Variants in OVCH2 observed in about 807,000 individuals in gnomAD.
OVCH2 encodes ovochymase 2.
Under a neutral mutation model 73.7 loss-of-function variants are expected in OVCH2, and 88 were observed. The observed-to-expected ratio is 1.19, with a 90% CI of 1.01 to 1.43. The LOEUF (loss-of-function observed/expected upper bound fraction) is 1.43, where lower values mean the gene tolerates loss of function less well. Ranked by LOEUF, OVCH2 falls within the 40% of genes most tolerant of loss-of-function variation. OVCH2 has a pLI of 0.00. For synonymous variants in OVCH2, 265 were observed against 234.5 expected (o/e 1.13, Z -1.19); for missense variants, 706 against 674.5 (o/e 1.05, Z -0.52).
chr11:7,695,535 G>A (rs1264002159), intron 11 of OVCH2, 35 bp downstream of exon 11: 2 of 1,575,616 alleles, frequency 1.3e-6, no homozygotes, highest in African/African-American at 1.4e-5. Flanking sequence ...TACAGAAGGT[G>A]GAGATAGTAT....
In OVCH2 at chr11:7,700,354, A is replaced by C. The variant is rs1428742504; in HGVS notation, c.843T>G (p.Pro281=). The part of the protein sequence containing the change: ...NNVRKSDQGS[P]GIFTDISKVL... ...CTTTACTAATGTCTGTGAAGATCCC[A>C]GGGGATCCTTGATCACTTTTCCTCA... is the stretch of plus-strand genomic sequence containing the variant. The change falls in exon 7 of 16, where the codon CCT becomes CCG. Residue 281 remains proline (P), a synonymous_variant. Transcript: ENST00000533663. The C allele has an allele frequency of 6.2e-7, 1 of 1,613,794 alleles. No individual in the cohort carries two copies. The highest frequency in any genetic ancestry group is 8.5e-7 in the Non-Finnish European group (1 of 1,179,808).
chr11:7,699,143 T>C (rs4589289), intron 7 of OVCH2: 167,666 of 173,864 alleles, frequency 0.96, 81,125 homozygotes, highest in East Asian at 1. Context: ...CCTGCCACTG[T>C]ACCATACACT....
intron 2 of OVCH2, 77 bp downstream of exon 2, chr11:7,704,488 A>G: frequency 1.9e-6 from 2 of 1,050,252 alleles, no homozygotes; most frequent in Non-Finnish European, 2.8e-6. Context: ...CCTCAAAGAT[A>G]TAAACTTAAC....
At chr11:7,695,405 T>A (rs1037457024) in intron 11 of OVCH2, among the ~76,000 whole-genome samples, 165 bp downstream of exon 11, 1 of 152,142 alleles carries the variant, frequency 6.6e-6, no homozygotes, top group Non-Finnish European at 1.5e-5. Flanking sequence ...GAACTCAGGG[T>A]TGAGGGGGAG....
chr11:7,693,757 C>G (rs546799582), intron 12 of OVCH2, among the ~76,000 whole-genome samples: 6 of 152,160 alleles, frequency 3.9e-5, no homozygotes, highest in Non-Finnish European at 7.3e-5. Flanking sequence ...TTCATAAAAC[C>G]TGTGTGATCT....
chr11:7,690,892 T>C (rs1278948797), intron 14 of OVCH2, among the ~76,000 whole-genome samples: 2 of 152,154 alleles, frequency 1.3e-5, no homozygotes, highest in South Asian at 2.1e-4. Flanking sequence ...GTGCCTCACA[T>C]AGAAAACACA....
chr11:7,684,485 T>TACAC (rs200237462), downstream of OVCH2, among the ~76,000 whole-genome samples: 4 of 131,082 alleles, frequency 3.1e-5, 1 homozygote, highest in Middle Eastern at 7.4e-3. Context: ...TATATATATA[T>TACAC]ATACACACAC....
At chr11:7,694,321 A>T (rs928116257) in intron 12 of OVCH2, among the ~76,000 whole-genome samples, 4 of 151,956 alleles carry the variant, frequency 2.6e-5, no homozygotes, top group African/African-American at 4.8e-5. Flanking sequence ...TGTGGAATAA[A>T]CTCCATTTCC....
chr11:7,700,344 T>C lies in OVCH2; in HGVS notation c.853A>G (p.Thr285Ala), dbSNP rs1314693290. ...KSDQGSPGIF[T>A]DISKVLPWIH... ...CAGGGAAGCACTTTACTAATGTCTGTGAAGATCCCAGGGGATCCTTGATCA... is the reference window on the plus strand; with the variant it reads ...CAGGGAAGCACTTTACTAATGTCTGCGAAGATCCCAGGGGATCCTTGATCA... Residue 285 changes from threonine to alanine, a missense_variant, in exon 7 of 16, where the codon ACA becomes GCA. By Grantham distance (58) the Thr-to-Ala change is moderately conservative (BLOSUM62 0). Coordinates refer to ENST00000533663, the MANE Select transcript of OVCH2 (RefSeq NM_198185.7). 1 of 1,613,878 alleles carries C rather than the reference T, an allele frequency of 6.2e-7. No individual in the cohort carries two copies. The highest frequency in any genetic ancestry group is 8.5e-7 in the Non-Finnish European group (1 of 1,179,860).
At position 7,704,679 on chromosome 11, in the gene OVCH2, G is replaced by T; in HGVS notation, c.89-5C>A. 1.3e-6 allele frequency: 2 copies of T among 1,580,378 alleles called. No individual in the cohort carries two copies. On this transcript the variant is annotated splice_region_variant and splice_polypyrimidine_tract_variant and intron_variant, in intron 1 of 15. Transcript: ENST00000533663. ...GACTCTGCCCACAACTGGGAGCTGA[G>T]AAAAAAACGAGACAAACTAAATGAT...
downstream of OVCH2, among the ~76,000 whole-genome samples, chr11:7,687,558 A>G (rs1213158145): frequency 6.6e-6 from 1 of 151,964 alleles, no homozygotes; most frequent in Non-Finnish European, 1.5e-5. Context: ...CTCACCTCCC[A>G]TTCACTCTCT....
At chr11:7,687,305 T>G (rs1856152444), downstream of OVCH2, among the ~76,000 whole-genome samples, 1 of 141,558 alleles carries the variant, frequency 7.1e-6, no homozygotes, top group South Asian at 2.2e-4. Context: ...GTGATGGCTG[T>G]GGAAATAATA....
At position 7,691,297 on chromosome 11, in the gene OVCH2, C is replaced by T; in HGVS notation, c.1611G>A (p.Gln537=). 1 of 1,613,478 alleles carries T rather than the reference C, an allele frequency of 6.2e-7. No homozygotes were observed. The highest frequency in any genetic ancestry group is 8.5e-7 in the Non-Finnish European group (1 of 1,179,734). ...SDENGTCRGF[Q]ATVSFIPKAV... Reference sequence around the variant, plus strand: ...CTTTAGGAATGAAGGAGACTGTAGCCTGAAAGCCCCTGCAGGTCCCGTTTT... The same window carrying T: ...CTTTAGGAATGAAGGAGACTGTAGCTTGAAAGCCCCTGCAGGTCCCGTTTT... Residue 537 remains glutamine (Q), a synonymous_variant, in exon 14 of 16, where the codon CAG becomes CAA. Coordinates refer to ENST00000533663, the MANE Select transcript of OVCH2 (RefSeq NM_198185.7).
intron 3 of OVCH2, among the ~76,000 whole-genome samples, chr11:7,703,083 C>T (rs902302678): frequency 1.3e-5 from 2 of 152,154 alleles, no homozygotes; most frequent in African/African-American, 2.4e-5. Context: ...CATTTTGGTA[C>T]CTTTGGTATC....
chr11:7,703,908 G>A lies in OVCH2; in HGVS notation c.199-119C>T, dbSNP rs565410840. The A allele has an allele frequency of 4.2e-4, 338 of 797,380 alleles. 2 individuals are homozygous for A. The African/African-American group carries it at 4.8e-3, about 11-fold the overall frequency. 49.4% of individuals were successfully genotyped at this position (797,380 alleles called of 1,614,324 possible). Reference sequence around the variant, plus strand: ...ATCACACTCGTAAATGTCAAGAATCGTGGACTGTGAAAAGATAAAGCCCAG... The same window carrying A: ...ATCACACTCGTAAATGTCAAGAATCATGGACTGTGAAAAGATAAAGCCCAG... On this transcript the variant is annotated intron_variant, in intron 2 of 15. Transcript: ENST00000533663.
At chr11:7,698,825 C>T (rs371302518) in intron 7 of OVCH2, 52 bp from the exon 8 acceptor site, 83 of 1,587,006 alleles carry the variant, frequency 5.2e-5, no homozygotes, top group Middle Eastern at 1.7e-4. Flanking sequence ...TCCTGAACAA[C>T]GCTTCAAGAA....
At chr11:7,690,616 G>A (rs1333046367) in intron 14 of OVCH2, among the ~76,000 whole-genome samples, 2 of 152,050 alleles carry the variant, frequency 1.3e-5, no homozygotes, top group Admixed American at 6.6e-5. Flanking sequence ...TGATACTCAT[G>A]TTGTCCTCAG....
Position 7,692,008 on chromosome 11 carries a change from GAAGTT to G in OVCH2, c.1414-18_1414-14del. 6.5e-7 allele frequency: 1 copy of G among 1,533,604 alleles called. No individual in the cohort carries two copies. The highest frequency in any genetic ancestry group is 8.9e-7 in the Non-Finnish European group (1 of 1,129,440). The allele number at this position is 1,533,604 out of a possible 1,614,324, so 95.0% of individuals were successfully genotyped here. On this transcript the variant is annotated splice_polypyrimidine_tract_variant and intron_variant, in intron 12 of 15. Transcript: ENST00000533663. ...TCTGAAATGAAAGCTGAGAAGACAC[GAAGTT>G]ACATCCAGAGTAAACAATCTGAATG...
At chr11:7,694,911 A>G in intron 12 of OVCH2, 147 bp downstream of exon 12, 1 of 865,892 alleles carries the variant, frequency 1.2e-6, no homozygotes, top group Non-Finnish European at 1.6e-6. Context: ...GCAAGTATTT[A>G]TTGACAGCTT....
Sources: gnomAD v4.1 joint callset for allele counts (sites outside exome capture counted in the v4.1 genomes callset) on GRCh38, gnomAD v4.1.1 for gene constraint, MANE v1.5 for transcripts, NCBI Gene and HGNC (gene_info 2026-07-23, HGNC 2026-07-21) for gene names.